Variants in KCTD16 observed in about 807,000 individuals in gnomAD.
KCTD16 encodes the protein BTB/POZ domain-containing protein KCTD16.
KCTD16 carries 13 observed loss-of-function variants against 33.2 expected under a neutral mutation model. The ratio of observed to expected loss-of-function variants is 0.39; its 90% CI spans 0.25 to 0.62. The LOEUF (loss-of-function observed/expected upper bound fraction) is 0.62, where lower values mean the gene tolerates loss of function less well. Ranked by LOEUF, KCTD16 falls within the 20% of genes least tolerant of loss-of-function variation. The pLI, the probability that KCTD16 is intolerant of heterozygous loss-of-function variation, is 0.50. For missense variants in KCTD16, 441 were observed against 525.1 expected, an observed-to-expected ratio of 0.84 and a Z score of 1.57; for synonymous variants, 197 against 195.3, an observed-to-expected ratio of 1.01 and a Z score of -0.07.
At chr5:144,204,877 G>T (rs950881963) in intron 2 of KCTD16, among the ~76,000 whole-genome samples, 2 of 151,822 alleles carry the variant, frequency 1.3e-5, no homozygotes, top group African/African-American at 4.8e-5. Flanking sequence ...TAAATCAAAG[G>T]ATTAAAAAAA....
chr5:144,262,917 C>T (rs1755051068), intron 3 of KCTD16, among the ~76,000 whole-genome samples: 1 of 152,168 alleles, frequency 6.6e-6, no homozygotes, highest in Admixed American at 6.5e-5. Context: ...TATTTCCAGA[C>T]ATAATTCAGA....
chr5:144,259,497 C>T (rs1349342246), intron 3 of KCTD16, among the ~76,000 whole-genome samples: 1 of 152,140 alleles, frequency 6.6e-6, no homozygotes, highest in Non-Finnish European at 1.5e-5. Context: ...CAAAGATGTG[C>T]CCATTTGCAG....
At chr5:144,182,174 C>T (rs1415400726) in intron 2 of KCTD16, among the ~76,000 whole-genome samples, 2 of 151,990 alleles carry the variant, frequency 1.3e-5, no homozygotes, top group Non-Finnish European at 1.5e-5. Context: ...TTAGTTATGG[C>T]AGGAGTGGGC....
chr5:144,344,529 C>A (rs1416857361), intron 3 of KCTD16, among the ~76,000 whole-genome samples: 1 of 151,652 alleles, frequency 6.6e-6, no homozygotes, highest in Non-Finnish European at 1.5e-5. Flanking sequence ...ACAACCCCAT[C>A]AAAAAGTGGG....
chr5:144,183,072 T>A (rs1752659563), intron 2 of KCTD16, among the ~76,000 whole-genome samples: 3 of 151,236 alleles, frequency 2.0e-5, no homozygotes, highest in Non-Finnish European at 2.9e-5. Flanking sequence ...AGAGTGGGAG[T>A]AAGACCAAAG....
intron 3 of KCTD16, among the ~76,000 whole-genome samples, chr5:144,234,820 ATG>A (rs1200537237): frequency 1.3e-5 from 2 of 152,124 alleles, no homozygotes; most frequent in East Asian, 3.9e-4. Context: ...ATATGTATAT[ATG>A]TGTGTGTGTA....
chr5:144,296,545 CTG>C (rs570077285), intron 3 of KCTD16, among the ~76,000 whole-genome samples: 92 of 152,198 alleles, frequency 6.0e-4, no homozygotes, highest in African/African-American at 2.2e-3. Flanking sequence ...AATCTTAAAA[CTG>C]TGTCTATGCT....
rs528076382 is a variant in KCTD16 at position 144,474,313 on chromosome 5, T to G, written c.*199T>G. On this transcript the variant is annotated 3_prime_UTR_variant, in exon 4 of 4. Coordinates refer to ENST00000512467, the MANE Select transcript of KCTD16 (RefSeq NM_020768.4). Reference sequence around the variant, plus strand: ...CACAGGGTAGATTTCTTTCTAGATGTGGAAGTACAAGAAAATCTTTTTTAG... The same window carrying G: ...CACAGGGTAGATTTCTTTCTAGATGGGGAAGTACAAGAAAATCTTTTTTAG... 3.3e-4 allele frequency: 180 copies of G among 540,904 alleles called. No homozygotes were observed. Among genetic ancestry groups the G allele is most frequent in the African/African-American group, 3.2e-3 (168 of 52,402 alleles). 33.5% of individuals were successfully genotyped at this position (540,904 alleles called of 1,614,324 possible).
intron 3 of KCTD16, among the ~76,000 whole-genome samples, chr5:144,372,586 C>A (rs1751993754): frequency 6.6e-6 from 1 of 152,088 alleles, no homozygotes; most frequent in Admixed American, 6.6e-5. Context: ...CTGATTCAGC[C>A]AAGTCTTTAC....
chr5:144,296,401 ACT>A (rs1756036813), intron 3 of KCTD16, among the ~76,000 whole-genome samples: 1 of 152,158 alleles, frequency 6.6e-6, no homozygotes, highest in African/African-American at 2.4e-5. Flanking sequence ...CATGTTGGCA[ACT>A]CTCATTCAAA....
chr5:144,371,692 T>C (rs565053958), intron 3 of KCTD16, among the ~76,000 whole-genome samples: 3 of 152,122 alleles, frequency 2.0e-5, no homozygotes, highest in African/African-American at 7.2e-5. Flanking sequence ...GGAAAAACTC[T>C]AAGAAAATTA....
At chr5:144,171,427 G>C (rs1752380718) in intron 1 of KCTD16, among the ~76,000 whole-genome samples, 1 of 152,188 alleles carries the variant, frequency 6.6e-6, no homozygotes, top group Non-Finnish European at 1.5e-5. Context: ...AGCATGGTCT[G>C]AGGAAAGATG....
intron 3 of KCTD16, among the ~76,000 whole-genome samples, chr5:144,299,102 A>G (rs1315008692): frequency 0.041 from 335 of 8,202 alleles, 29 homozygotes; most frequent in Non-Finnish European, 0.069. Flanking sequence ...CTATGTATAT[A>G]TATATATATA....
intron 3 of KCTD16, among the ~76,000 whole-genome samples, chr5:144,238,729 A>T (rs778028643): frequency 3.3e-5 from 5 of 152,090 alleles, no homozygotes; most frequent in African/African-American, 1.2e-4. Context: ...TGGAAAAGGG[A>T]TGCTGTAATT....
At chr5:144,325,925 A>AG (rs1266902827) in intron 3 of KCTD16, among the ~76,000 whole-genome samples, 15 of 152,182 alleles carry the variant, frequency 9.9e-5, no homozygotes, top group African/African-American at 3.6e-4. Flanking sequence ...GATTCCATGT[A>AG]GGGGCTCTGC....
intron 3 of KCTD16, among the ~76,000 whole-genome samples, chr5:144,403,533 G>C (rs1478509382): frequency 6.6e-6 from 1 of 152,132 alleles, no homozygotes; most frequent in Non-Finnish European, 1.5e-5. Context: ...AGCTAAGAGA[G>C]GGGCATGGAA....
intron 3 of KCTD16, among the ~76,000 whole-genome samples, chr5:144,338,011 A>G (rs1317663308): frequency 6.6e-6 from 1 of 152,216 alleles, no homozygotes; most frequent in African/African-American, 2.4e-5. Context: ...CAATAAAAAC[A>G]TAGCTATTTT....
At chr5:144,299,089 TC>T (rs1756137842) in intron 3 of KCTD16, among the ~76,000 whole-genome samples, 12 of 45,026 alleles carry the variant, frequency 2.7e-4, no homozygotes, top group Non-Finnish European at 3.4e-4. Context: ...TATATATATA[TC>T]ACTATGTATA....
chr5:144,436,777 G>A (rs530757159), intron 3 of KCTD16, among the ~76,000 whole-genome samples: 24 of 151,760 alleles, frequency 1.6e-4, no homozygotes, highest in Middle Eastern at 3.4e-3. Flanking sequence ...TAGTAGAGAC[G>A]GCGTTTCACC....
Sources: allele counts gnomAD v4.1 joint callset (sites outside exome capture counted in the v4.1 genomes callset), GRCh38; gene constraint gnomAD v4.1.1; transcripts MANE v1.5; gene names NCBI Gene and HGNC (gene_info 2026-07-23, HGNC 2026-07-21).